Variants in ATM observed in about 807,000 individuals in gnomAD.
ATM encodes serine-protein kinase ATM.
ATM carries 308 observed loss-of-function variants against 387.0 expected under a neutral mutation model. That is an observed-to-expected ratio of 0.80 (90% CI 0.73 to 0.87). ATM has a LOEUF of 0.87. ATM is among the 40% of genes least tolerant of loss of function. ATM has a pLI of 0.00. For synonymous variants in ATM, 1,156 were observed against 1,187.3 expected (o/e 0.97, Z 0.54); for missense variants, 3,312 against 3,560.9 (o/e 0.93, Z 1.78).
chr11:108,309,038 A>G (rs1220005287), intron 38 of ATM: 33 of 1,522,580 alleles, frequency 2.2e-5, no homozygotes, highest in Non-Finnish European at 2.9e-5. Context: ...TTCATATTCC[A>G]TTTTAATGCT....
intron 38 of ATM, chr11:108,308,504 G>A (rs2083868223): frequency 5.4e-6 from 1 of 184,352 alleles, no homozygotes; most frequent in African/African-American, 2.4e-5. Flanking sequence ...TAGTATCTTT[G>A]TTCCTGTTAT....
At chr11:108,276,207 A>G (rs2081940694) in intron 22 of ATM, among the ~76,000 whole-genome samples, 1 of 152,164 alleles carries the variant, frequency 6.6e-6, no homozygotes, top group South Asian at 2.1e-4. Flanking sequence ...TTTCAGCTCC[A>G]TCAGGTCATT....
intron 5 of ATM, among the ~76,000 whole-genome samples, chr11:108,240,465 C>T (rs1209830179): frequency 3.9e-5 from 6 of 152,100 alleles, no homozygotes; most frequent in Admixed American, 2.0e-4. Context: ...TTCTTTGTTG[C>T]GTGAACGTCA....
At chr11:108,227,532 C>G (rs1052417994) in intron 1 of ATM, 63 bp from the exon 2 acceptor site, 8 of 1,050,814 alleles carry the variant, frequency 7.6e-6, no homozygotes, top group Non-Finnish European at 1.2e-5. Flanking sequence ...TTTCACACCT[C>G]TTTCTCTCTA....
At chr11:108,279,752 T>C in intron 23 of ATM, 144 bp downstream of exon 23, 1 of 709,544 alleles carries the variant, frequency 1.4e-6, no homozygotes, top group African/African-American at 1.8e-5. Context: ...TATGAATTGA[T>C]TGAAACTGCA....
chr11:108,263,438 G>A (rs1371260521), intron 16 of ATM, among the ~76,000 whole-genome samples: 8 of 144,114 alleles, frequency 5.6e-5, no homozygotes, highest in Non-Finnish European at 1.2e-4. Flanking sequence ...TGAAACCACC[G>A]AGAACAAAGA....
chr11:108,323,172 T>C (rs1333816524), intron 45 of ATM, among the ~76,000 whole-genome samples: 3 of 152,238 alleles, frequency 2.0e-5, no homozygotes, highest in African/African-American at 2.4e-5. Flanking sequence ...AAGAAAATAA[T>C]AATAGTTTTT....
At chr11:108,354,934 A>T (rs664143) in intron 61 of ATM, 60 bp downstream of exon 61, 2 of 1,391,472 alleles carry the variant, frequency 1.4e-6, no homozygotes, top group Non-Finnish European at 1.0e-6. Flanking sequence ...TGTGTATCTC[A>T]TCAGGAAGTC....
chr11:108,343,506 A>C, intron 57 of ATM, 135 bp downstream of exon 57: 2 of 1,046,128 alleles, frequency 1.9e-6, no homozygotes, highest in South Asian at 3.1e-5. Flanking sequence ...AAGTAAAAGA[A>C]AAACTCATCA....
chr11:108,360,011 G>A (rs1301606349), intron 61 of ATM, among the ~76,000 whole-genome samples: 1 of 151,794 alleles, frequency 6.6e-6, no homozygotes, highest in South Asian at 2.1e-4. Flanking sequence ...TCCAGGAGCT[G>A]GTTTTTTGAA....
At chr11:108,229,407 G>A (rs2135042609) in intron 4 of ATM, 84 bp downstream of exon 4, 1 of 1,302,158 alleles carries the variant, frequency 7.7e-7, no homozygotes, top group Non-Finnish European at 1.1e-6. Context: ...TCATTTTAAG[G>A]ACTTAACTGT....
Position 108,299,516 on chromosome 11 carries a change from C to T in ATM, c.5006-198C>T, listed in dbSNP as rs4988029. On this transcript the variant is annotated intron_variant, in intron 33 of 62. Transcript: ENST00000675843. Reference sequence around the variant, plus strand: ...TTTACCATGTTGGCCAGGCTGGTCTCGAACTCCTGACCTCAGGTGATCCGC... The same window carrying T: ...TTTACCATGTTGGCCAGGCTGGTCTTGAACTCCTGACCTCAGGTGATCCGC... 580 of 482,764 alleles carry T rather than the reference C, an allele frequency of 1.2e-3. 3 individuals carry two copies. Among genetic ancestry groups the T allele is most frequent in the African/African-American group, 0.01 (524 of 50,842 alleles). 29.9% of individuals were successfully genotyped at this position (482,764 alleles called of 1,614,324 possible). A position where few individuals can be genotyped will look rare whatever the true frequency, so the allele number is the denominator to read the frequency against.
At chr11:108,235,594 T>A (rs2135118676) in intron 4 of ATM, 76 bp from the exon 5 acceptor site, 3 of 1,313,934 alleles carry the variant, frequency 2.3e-6, no homozygotes, top group Non-Finnish European at 1.1e-6. Flanking sequence ...AATGGAATTA[T>A]TTAAATAGTT....
chr11:108,332,600 A>G (rs541480276), intron 52 of ATM, among the ~76,000 whole-genome samples, 162 bp from the exon 53 acceptor site: 1 of 152,266 alleles, frequency 6.6e-6, no homozygotes, highest in Admixed American at 6.5e-5. Context: ...TGTATCTTTG[A>G]TGTATTTCAT....
intron 5 of ATM, among the ~76,000 whole-genome samples, chr11:108,237,899 G>GTTTTTTTTTTTTTTTTTTTTTCT (rs2079361966): frequency 1.1e-5 from 1 of 92,046 alleles, no homozygotes; most frequent in Non-Finnish European, 2.0e-5. Context: ...ATTTACTTAG[G>GTTTTTTTTTTTTTTTTTTTTTCT]TTTTTTTTTT....
At chr11:108,335,135 C>T (rs2136667653) in intron 55 of ATM, 26 bp downstream of exon 55, 1 of 1,613,634 alleles carries the variant, frequency 6.2e-7, no homozygotes, top group African/African-American at 1.3e-5. Context: ...TCTGGCTTAG[C>T]CCTTAGAGTT....
At position 108,281,042 on chromosome 11, in the gene ATM, A is replaced by G. The variant is rs2135666527; in HGVS notation, c.3450A>G (p.Arg1150=). ...AAACTTTGGATGAAATTTATAATAG[A>G]AAATCTGTTTTACTGACGTTGATAG... is the stretch of plus-strand genomic sequence containing the variant. ...NPETLDEIYN[R]KSVLLTLIAV... Residue 1150 remains arginine (R), a synonymous_variant, in exon 24 of 63, where the codon AGA becomes AGG. Coordinates refer to ENST00000675843, the MANE Select transcript of ATM (RefSeq NM_000051.4). The G allele has an allele frequency of 6.2e-7, 1 of 1,613,720 alleles. No homozygotes were observed. Among genetic ancestry groups the G allele is most frequent in the African/African-American group, 1.3e-5 (1 of 75,006 alleles).
At position 108,260,783 on chromosome 11, in the gene ATM, G is replaced by A. The variant is rs202132446; in HGVS notation, c.2466+1708G>A. Among the ~76,000 whole-genome samples the A allele has an allele frequency of 2.9e-3, 442 of 152,030 alleles. 2 individuals carry two copies. Among genetic ancestry groups the A allele is most frequent in the African/African-American group, 9.1e-3 (378 of 41,468 alleles). ...AGTGGGCGCAGGTCAGTGGGTGTGCGCACCGTGCGCGAGCCGAAGCAGGGC... is the reference window on the plus strand; with the variant it reads ...AGTGGGCGCAGGTCAGTGGGTGTGCACACCGTGCGCGAGCCGAAGCAGGGC... On this transcript the variant is annotated intron_variant, in intron 16 of 62. Coordinates refer to ENST00000675843, the MANE Select transcript of ATM (RefSeq NM_000051.4).
intron 16 of ATM, among the ~76,000 whole-genome samples, chr11:108,262,328 T>G (rs2080947130): frequency 6.6e-6 from 1 of 151,928 alleles, no homozygotes; most frequent in South Asian, 2.1e-4. Flanking sequence ...GGGCCAATAT[T>G]CAACATTCTT....
Sources: allele counts gnomAD v4.1 joint callset (sites outside exome capture counted in the v4.1 genomes callset), GRCh38; gene constraint gnomAD v4.1.1; transcripts MANE v1.5; gene names NCBI Gene and HGNC (gene_info 2026-07-23, HGNC 2026-07-21).